ESRRG: variants seen among roughly 807,000 people sequenced by gnomAD.
ESRRG encodes the protein estrogen-related receptor gamma.
ESRRG carries 13 observed loss-of-function variants against 44.0 expected under a neutral mutation model. The ratio of observed to expected loss-of-function variants is 0.30; its 90% CI spans 0.19 to 0.47. The LOEUF is 0.47. Ranked by LOEUF, ESRRG falls within the 20% of genes least tolerant of loss-of-function variation. ESRRG has a pLI of 1.00. For missense variants in ESRRG, 395 were observed against 580.6 expected (o/e 0.68, Z 3.29); for synonymous variants, 215 against 214.6 (o/e 1.00, Z -0.02).
At chr1:216,976,744 T>C (rs2073002795) in intron 1 of ESRRG, among the ~76,000 whole-genome samples, 1 of 152,176 alleles carries the variant, frequency 6.6e-6, no homozygotes, top group Admixed American at 6.6e-5. Context: ...GTTTGTGTTT[T>C]GTTTTGTGCT....
At chr1:216,568,704 T>G (rs535533126) in intron 3 of ESRRG, among the ~76,000 whole-genome samples, 1 of 152,276 alleles carries the variant, frequency 6.6e-6, no homozygotes, top group Admixed American at 6.5e-5. Flanking sequence ...AATTTGTATT[T>G]CCTCTCATAT....
intron 3 of ESRRG, among the ~76,000 whole-genome samples, chr1:216,642,612 G>T (rs1018162507): frequency 6.6e-6 from 1 of 152,110 alleles, no homozygotes; most frequent in African/African-American, 2.4e-5. Flanking sequence ...AACAGAGAGT[G>T]CAAGAAATAC....
In ESRRG at chr1:216,503,720, C is replaced by G. The variant is rs1278674958; in HGVS notation, c.*3219G>C. 1 of 152,416 alleles carries G rather than the reference C, an allele frequency of 6.6e-6. No homozygotes were observed. Among genetic ancestry groups the G allele is most frequent in the African/African-American group, 2.4e-5 (1 of 41,380 alleles). The allele number at this position is 152,416 out of a possible 1,614,324, so 9.4% of individuals were successfully genotyped here. On this transcript the variant is annotated 3_prime_UTR_variant, in exon 7 of 7. Transcript: ENST00000408911. ...AATAGCAGTTTTAAATTTTTTATAT[C>G]TTTTATGTTATCATTTAAATGCAAA... is the stretch of plus-strand genomic sequence containing the variant.
chr1:216,821,721 T>C (rs1050791491), intron 2 of ESRRG, among the ~76,000 whole-genome samples: 2 of 122,872 alleles, frequency 1.6e-5, no homozygotes, highest in East Asian at 2.2e-4. Flanking sequence ...AATAAATAAA[T>C]AAATAAATAA....
intron 2 of ESRRG, among the ~76,000 whole-genome samples, chr1:216,804,338 TTGACTATACAAG>T (rs2094717463): frequency 6.6e-6 from 1 of 152,128 alleles, no homozygotes; most frequent in East Asian, 1.9e-4. Flanking sequence ...AGAGTGGGGC[TTGACTATACAAG>T]AACCAGTAGT....
intron 3 of ESRRG, among the ~76,000 whole-genome samples, chr1:216,584,411 C>T (rs942948378): frequency 1.3e-5 from 2 of 151,962 alleles, no homozygotes; most frequent in African/African-American, 4.8e-5. Context: ...CGCCCGCCAC[C>T]TCACCTGGCT....
chr1:217,004,514 G>T (rs144179752), intron 1 of ESRRG, among the ~76,000 whole-genome samples: 35 of 152,154 alleles, frequency 2.3e-4, no homozygotes, highest in African/African-American at 8.2e-4. Flanking sequence ...AGTACTGTCA[G>T]TCCATTAAAT....
intron 2 of ESRRG, among the ~76,000 whole-genome samples, chr1:216,766,340 TGGA>T (rs1273250119): frequency 6.6e-6 from 1 of 152,058 alleles, no homozygotes; most frequent in East Asian, 1.9e-4. Flanking sequence ...GACGTATATG[TGGA>T]GGAGGAGTGA....
intron 1 of ESRRG, among the ~76,000 whole-genome samples, chr1:216,952,547 A>G (rs2067155238): frequency 6.6e-6 from 1 of 152,136 alleles, no homozygotes; most frequent in Non-Finnish European, 1.5e-5. Context: ...CCTAACCAGT[A>G]AAGATGGTAG....
intron 2 of ESRRG, among the ~76,000 whole-genome samples, chr1:216,751,771 A>T (rs1207177813): frequency 6.6e-5 from 10 of 152,142 alleles, no homozygotes; most frequent in Non-Finnish European, 1.2e-4. Flanking sequence ...ATCATTGGTG[A>T]TAACCTTTCT....
intron 1 of ESRRG, among the ~76,000 whole-genome samples, chr1:217,089,091 C>G (rs570859861): frequency 6.6e-6 from 1 of 152,128 alleles, no homozygotes; most frequent in Admixed American, 6.5e-5. Flanking sequence ...TGGCACCACC[C>G]TCTCCCCCAA....
chr1:216,714,472 T>C, intron 1 of ESRRG: 2 of 407,470 alleles, frequency 4.9e-6, no homozygotes. Context: ...AGAAGTTCTA[T>C]AATGTAAGCA....
At chr1:216,881,372 G>T (rs879426947) in intron 2 of ESRRG, among the ~76,000 whole-genome samples, 4 of 152,092 alleles carry the variant, frequency 2.6e-5, no homozygotes, top group Admixed American at 6.6e-5. Context: ...ACAATGGAAA[G>T]TCATTTTTCA....
chr1:216,928,557 A>G (rs2062889263), intron 2 of ESRRG, among the ~76,000 whole-genome samples: 1 of 152,144 alleles, frequency 6.6e-6, no homozygotes, highest in Non-Finnish European at 1.5e-5. Flanking sequence ...TGAGTTTCCT[A>G]AGCACATTGA....
chr1:216,665,662 T>TA (rs1356195921), intron 2 of ESRRG, among the ~76,000 whole-genome samples: 1 of 152,092 alleles, frequency 6.6e-6, no homozygotes, highest in African/African-American at 2.4e-5. Context: ...TACTACACAT[T>TA]AAAAAAATGG....
In ESRRG at chr1:216,984,324, C is replaced by T. The variant is rs558280958; in HGVS notation, c.-105-44651G>A. Among the ~76,000 whole-genome samples, 4 of 152,248 alleles carry T rather than the reference C, an allele frequency of 2.6e-5. 1 individual carries two copies. The South Asian group carries it at 8.3e-4, about 32-fold the overall frequency. ...ATCCTTACTACACTTAGAGAATGAC[C>T]TGCCCACACAAGCTGACAATAGCTT... is the stretch of plus-strand genomic sequence containing the variant. On this transcript the variant is annotated intron_variant, in intron 1 of 7. Coordinates refer to the ESRRG transcript ENST00000359162.
chr1:217,059,019 C>G (rs920663484), intron 1 of ESRRG, among the ~76,000 whole-genome samples: 7 of 146,590 alleles, frequency 4.8e-5, no homozygotes, highest in Non-Finnish European at 1.1e-4. Flanking sequence ...TATGAATAAA[C>G]AAAATAAATT....
intron 3 of ESRRG, among the ~76,000 whole-genome samples, chr1:216,620,591 T>C (rs190872244): frequency 2.4e-4 from 36 of 152,364 alleles, no homozygotes; most frequent in African/African-American, 8.7e-4. Context: ...AGTCATTGAC[T>C]AATATAAGCC....
chr1:216,513,710 G>A lies in ESRRG; in HGVS notation c.1132+5442C>T, dbSNP rs74538957. ...TATTGTTATGTTTACCTTGCATAAT[G>A]GGATTTACCTGCTAGGTCTTTTCTA... On this transcript the variant is annotated intron_variant, in intron 6 of 6. Coordinates refer to ENST00000408911, the MANE Select transcript of ESRRG (RefSeq NM_001438.4). Among the ~76,000 whole-genome samples the A allele has an allele frequency of 1.2e-3, 180 of 152,134 alleles. 2 individuals are homozygous for A. In the East Asian group the frequency reaches 0.032, roughly 27 times the overall value.
Sources: allele counts gnomAD v4.1 joint callset (sites outside exome capture counted in the v4.1 genomes callset), GRCh38; gene constraint gnomAD v4.1.1; transcripts MANE v1.5; gene names NCBI Gene and HGNC (gene_info 2026-07-23, HGNC 2026-07-21).